Variants in EPHA6 observed in about 807,000 individuals in gnomAD.
EPHA6 encodes the protein EPH receptor A6, also known as ephrin type-A receptor 6.
EPHA6 carries 50 observed loss-of-function variants against 112.0 expected under a neutral mutation model. The ratio of observed to expected loss-of-function variants is 0.45; its 90% CI spans 0.36 to 0.56. The LOEUF is 0.56. Among genes scored for constraint, EPHA6 ranks in the 20% least tolerant of loss-of-function variants. EPHA6 has a pLI of 0.00. For missense variants in EPHA6, 1,280 were observed against 1,417.4 expected, an observed-to-expected ratio of 0.90 and a Z score of 1.56; for synonymous variants, 529 against 490.7, an observed-to-expected ratio of 1.08 and a Z score of -1.03.
At chr3:97,374,390 CG>C (rs1333554105) in intron 5 of EPHA6, among the ~76,000 whole-genome samples, 1 of 152,052 alleles carries the variant, frequency 6.6e-6, no homozygotes, top group African/African-American at 2.4e-5. Context: ...CCCTAGGCCC[CG>C]GTGGACTACA....
At chr3:97,699,635 G>A (rs368143978) in intron 14 of EPHA6, among the ~76,000 whole-genome samples, 1 of 152,070 alleles carries the variant, frequency 6.6e-6, no homozygotes, top group East Asian at 1.9e-4. Context: ...ACACAATAAC[G>A]GGAATCTGAT....
chr3:97,528,797 A>G (rs2092660329), intron 10 of EPHA6, among the ~76,000 whole-genome samples: 1 of 152,154 alleles, frequency 6.6e-6, no homozygotes, highest in African/African-American at 2.4e-5. Context: ...ACCCTGTATA[A>G]CATACAACAA....
At chr3:97,470,595 C>T (rs184588096) in intron 7 of EPHA6, among the ~76,000 whole-genome samples, 90 of 151,672 alleles carry the variant, frequency 5.9e-4, no homozygotes, top group African/African-American at 1.9e-3. Flanking sequence ...AGCCAAATTG[C>T]CTTTCTCCGA....
chr3:97,591,599 C>G (rs1056903147), intron 11 of EPHA6, among the ~76,000 whole-genome samples: 4 of 151,956 alleles, frequency 2.6e-5, no homozygotes, highest in African/African-American at 9.7e-5. Context: ...GCAATTTTTG[C>G]CTTTGATTGG....
intron 3 of EPHA6, among the ~76,000 whole-genome samples, chr3:97,155,882 A>G (rs2076277728): frequency 6.6e-6 from 1 of 152,162 alleles, no homozygotes; most frequent in Non-Finnish European, 1.5e-5. Context: ...TTCAAGAGGT[A>G]AATGAAGCCA....
intron 1 of EPHA6, among the ~76,000 whole-genome samples, chr3:96,862,834 A>G (rs2036085704): frequency 1.3e-5 from 2 of 151,954 alleles, no homozygotes; most frequent in Admixed American, 6.6e-5. Flanking sequence ...GTACTATTAA[A>G]TTTGTGTTTA....
intron 3 of EPHA6, among the ~76,000 whole-genome samples, chr3:97,093,391 A>C (rs2047134776): frequency 6.6e-6 from 1 of 152,042 alleles, no homozygotes; most frequent in Non-Finnish European, 1.5e-5. Flanking sequence ...TCTACCAAAA[A>C]ATACAAAAAT....
intron 11 of EPHA6, among the ~76,000 whole-genome samples, chr3:97,558,360 G>C (rs2093142924): frequency 6.6e-6 from 1 of 152,006 alleles, no homozygotes; most frequent in Non-Finnish European, 1.5e-5. Context: ...TCTCAGGATT[G>C]ACAGTTTTCA....
intron 3 of EPHA6, among the ~76,000 whole-genome samples, chr3:96,992,207 C>T (rs1198729956): frequency 6.6e-6 from 1 of 152,178 alleles, no homozygotes; most frequent in African/African-American, 2.4e-5. Context: ...TTGCCAATTG[C>T]TCAGTACATA....
intron 14 of EPHA6, among the ~76,000 whole-genome samples, chr3:97,695,594 G>A (rs766160157): frequency 6.6e-6 from 1 of 152,164 alleles, no homozygotes; most frequent in Non-Finnish European, 1.5e-5. Context: ...AGGCCCGAAT[G>A]CAGTGGCGCC....
intron 15 of EPHA6, among the ~76,000 whole-genome samples, chr3:97,730,195 T>A (rs1300012276): frequency 6.6e-6 from 1 of 152,118 alleles, no homozygotes; most frequent in Non-Finnish European, 1.5e-5. Flanking sequence ...AAGATGTGCA[T>A]TGCCTTCTTT....
intron 11 of EPHA6, among the ~76,000 whole-genome samples, chr3:97,562,056 C>T (rs2093200323): frequency 6.6e-6 from 1 of 152,114 alleles, no homozygotes; most frequent in South Asian, 2.1e-4. Flanking sequence ...TAATACTGCT[C>T]ATTGACAATG....
chr3:97,023,509 T>C (rs896157333), intron 3 of EPHA6, among the ~76,000 whole-genome samples: 2 of 152,102 alleles, frequency 1.3e-5, no homozygotes, highest in African/African-American at 4.8e-5. Context: ...ATTTACCTTC[T>C]AAGATTTTTT....
chr3:96,836,070 C>G (rs904445116), intron 1 of EPHA6, among the ~76,000 whole-genome samples: 1 of 152,032 alleles, frequency 6.6e-6, no homozygotes, highest in African/African-American at 2.4e-5. Flanking sequence ...TAATACTTGG[C>G]TACTACATGA....
rs552747749 is a variant in EPHA6 at position 97,662,014 on chromosome 3, A to T, written c.2784+23932A>T. Among the ~76,000 whole-genome samples, 5 of 152,252 alleles carry T rather than the reference A, an allele frequency of 3.3e-5. No individual in the cohort carries two copies. The South Asian group carries it at 1.0e-3, about 32-fold the overall frequency. On this transcript the variant is annotated intron_variant, in intron 14 of 17. Coordinates refer to ENST00000389672, the MANE Select transcript of EPHA6 (RefSeq NM_001080448.3). ...TACTGAAATGTCAAAAGCATTGTTT[A>T]TGTATGATTTTGGCCACCAACTATC...
intron 3 of EPHA6, among the ~76,000 whole-genome samples, chr3:97,174,925 C>A (rs1026992145): frequency 2.0e-5 from 3 of 151,748 alleles, no homozygotes; most frequent in Admixed American, 2.0e-4. Context: ...TCCATTTTTG[C>A]TTTGGTTGCC....
chr3:96,921,766 C>A (rs549045517), intron 2 of EPHA6, among the ~76,000 whole-genome samples: 1 of 151,994 alleles, frequency 6.6e-6, no homozygotes, highest in South Asian at 2.1e-4. Flanking sequence ...TGGGGTTTCA[C>A]CATGTTGGCC....
intron 1 of EPHA6, among the ~76,000 whole-genome samples, chr3:96,848,255 A>T (rs1045611812): frequency 6.6e-6 from 1 of 152,192 alleles, no homozygotes; most frequent in African/African-American, 2.4e-5. Context: ...TAATATTTCT[A>T]CTTTAATAAA....
intron 13 of EPHA6, among the ~76,000 whole-genome samples, chr3:97,620,037 C>A (rs1408780236): frequency 6.6e-6 from 1 of 151,984 alleles, no homozygotes; most frequent in Non-Finnish European, 1.5e-5. Context: ...CTACAGTGAG[C>A]AAAATAGCAT....
Sources: gnomAD v4.1 joint callset for allele counts (sites outside exome capture counted in the v4.1 genomes callset) on GRCh38, gnomAD v4.1.1 for gene constraint, MANE v1.5 for transcripts, NCBI Gene and HGNC (gene_info 2026-07-23, HGNC 2026-07-21) for gene names.